Variants in GPR19 observed in about 807,000 individuals in gnomAD.
GPR19 encodes probable G protein-coupled receptor 19.
A neutral mutation model predicts 28.5 loss-of-function variants in GPR19; 14 were observed. That is an observed-to-expected ratio of 0.49 (90% CI 0.32 to 0.77). GPR19 has a LOEUF of 0.77. GPR19 is among the 30% of genes least tolerant of loss of function. GPR19 has a pLI of 0.03. For missense variants in GPR19, 409 were observed against 504.1 expected (o/e 0.81, Z 1.81); for synonymous variants, 173 against 184.1 (o/e 0.94, Z 0.49).
rs746159230 is a variant in GPR19 at position 12,662,382 on chromosome 12, G to A, written c.67C>T (p.Leu23Phe). 6.2e-7 allele frequency: 1 copy of A among 1,614,168 alleles called. No homozygotes were observed. ...HLIIPTLLVP[L>F]QNRSCTETAT... ...GTTTCAGTGCAGCTGCGGTTTTGGA[G>A]GGGCACCAGAAGTGTAGGAATAATC... The change falls in exon 4 of 4, where the codon CTC (leucine) becomes TTC (phenylalanine). Residue 23 changes from leucine to phenylalanine, a missense_variant. By Grantham distance (22) the Leu-to-Phe change is conservative. Coordinates refer to ENST00000651487, the MANE Select transcript of GPR19 (RefSeq NM_006143.3).
chr12:12,716,229 G>A, the GPR19 span, among the ~76,000 whole-genome samples: 2 of 152,214 alleles, frequency 1.3e-5, no homozygotes, highest in Non-Finnish European at 2.9e-5. Flanking sequence ...GGACATGGTT[G>A]TGGTGTTTTA....
chr12:12,664,233 G>A (rs1945725192), intron 3 of GPR19, among the ~76,000 whole-genome samples: 1 of 152,012 alleles, frequency 6.6e-6, no homozygotes, highest in African/African-American at 2.4e-5. Flanking sequence ...CAAGTGATTC[G>A]CCCGCCTTGG....
intron 3 of GPR19, among the ~76,000 whole-genome samples, chr12:12,663,362 GA>G (rs1419079727): frequency 6.6e-6 from 1 of 151,658 alleles, no homozygotes; most frequent in Admixed American, 6.6e-5. Context: ...TCAGAAGGCT[GA>G]AGCAGGAGGA....
chr12:12,682,344 C>A (rs1227997322), intron 3 of GPR19, among the ~76,000 whole-genome samples: 1 of 152,148 alleles, frequency 6.6e-6, no homozygotes, highest in Non-Finnish European at 1.5e-5. Flanking sequence ...TTGACTGTTG[C>A]CAAGTTCTTA....
upstream of GPR19, among the ~76,000 whole-genome samples, chr12:12,699,697 G>C (rs773946207): frequency 5.3e-5 from 8 of 152,222 alleles, no homozygotes; most frequent in Non-Finnish European, 8.8e-5. Flanking sequence ...AATTTGGTTT[G>C]TGACTGGTCA....
chr12:12,708,686 A>G, the GPR19 span, among the ~76,000 whole-genome samples: 1 of 152,196 alleles, frequency 6.6e-6, no homozygotes, highest in Non-Finnish European at 1.5e-5. Flanking sequence ...AAGAGTGGAT[A>G]ATAGCATTTG....
the GPR19 span, chr12:12,703,546 G>A: frequency 6.7e-3 from 2,128 of 315,470 alleles, 33 homozygotes; most frequent in African/African-American, 0.046. Context: ...TAGTGATTCT[G>A]CTGGTCCCTA....
chr12:12,705,146 C>T, the GPR19 span, among the ~76,000 whole-genome samples: 18 of 126,520 alleles, frequency 1.4e-4, no homozygotes, highest in Non-Finnish European at 2.7e-4. Flanking sequence ...CGGAGTCTTG[C>T]TCTCTAACCC....
In GPR19 at chr12:12,662,349, G is replaced by A. The variant is rs1945691071; in HGVS notation, c.100C>T (p.Pro34Ser). ...TCCATCAGGTATTGGCTTGGCAGAG[G>A]TGTGGCTGTTTCAGTGCAGCTGCGG... ...QNRSCTETATPLPSQYLMELS... is the reference protein window; with the variant it reads ...QNRSCTETATSLPSQYLMELS... The change falls in exon 4 of 4, where the codon CCT becomes TCT. Residue 34 changes from proline to serine, a missense_variant. By Grantham distance (74) the Pro-to-Ser change is moderately conservative. Transcript: ENST00000651487. The A allele has an allele frequency of 6.2e-7, 1 of 1,614,218 alleles. No homozygotes were observed. The highest frequency in any genetic ancestry group is 8.5e-7 in the Non-Finnish European group (1 of 1,180,032).
intron 3 of GPR19, among the ~76,000 whole-genome samples, chr12:12,675,290 T>C (rs1289954560): frequency 6.6e-6 from 1 of 152,126 alleles, no homozygotes; most frequent in African/African-American, 2.4e-5. Flanking sequence ...ATAGATTTTG[T>C]TCTGTGTAAG....
chr12:12,675,059 A>G (rs1162971502), intron 3 of GPR19, among the ~76,000 whole-genome samples: 1 of 152,144 alleles, frequency 6.6e-6, no homozygotes, highest in East Asian at 1.9e-4. Flanking sequence ...ACAGATGACA[A>G]GAGAGTCTAG....
chr12:12,663,511 T>C (rs1945713350), intron 3 of GPR19, among the ~76,000 whole-genome samples: 1 of 152,144 alleles, frequency 6.6e-6, no homozygotes, highest in South Asian at 2.1e-4. Context: ...AAAAGAATAT[T>C]TTAAAGTTTA....
At chr12:12,684,532 G>C (rs896050997) in intron 2 of GPR19, 25 bp from the exon 3 acceptor site, 1 of 152,278 alleles carries the variant, frequency 6.6e-6, no homozygotes, top group Admixed American at 6.5e-5. Flanking sequence ...AGATGACGCT[G>C]TGCAGGGTAG....
At chr12:12,670,784 G>A (rs1197041453) in intron 3 of GPR19, among the ~76,000 whole-genome samples, 1 of 152,122 alleles carries the variant, frequency 6.6e-6, no homozygotes, top group Non-Finnish European at 1.5e-5. Context: ...GCTTTGTCAA[G>A]GGTAAATGGC....
chr12:12,705,358 A>G, the GPR19 span, among the ~76,000 whole-genome samples: 1 of 152,150 alleles, frequency 6.6e-6, no homozygotes, highest in Admixed American at 6.5e-5. Context: ...AAAGCCATAC[A>G]CTGTTTATCT....
intron 3 of GPR19, among the ~76,000 whole-genome samples, chr12:12,682,466 C>T (rs1002088781): frequency 1.3e-5 from 2 of 152,170 alleles, no homozygotes; most frequent in Admixed American, 1.3e-4. Context: ...TCTTCTCAGT[C>T]TTCATTCACA....
At chr12:12,682,710 C>G (rs1293388830) in intron 3 of GPR19, among the ~76,000 whole-genome samples, 2 of 152,156 alleles carry the variant, frequency 1.3e-5, no homozygotes, top group African/African-American at 4.8e-5. Flanking sequence ...CAATGAAACC[C>G]TGAAGGGAAC....
intron 3 of GPR19, among the ~76,000 whole-genome samples, chr12:12,663,524 CT>C (rs1945713481): frequency 6.6e-6 from 1 of 151,902 alleles, no homozygotes; most frequent in Non-Finnish European, 1.5e-5. Context: ...AAAGTTTAGC[CT>C]TTATTTTGTA....
At chr12:12,663,599 T>C (rs1229915137) in intron 3 of GPR19, among the ~76,000 whole-genome samples, 1 of 152,180 alleles carries the variant, frequency 6.6e-6, no homozygotes, top group Non-Finnish European at 1.5e-5. Flanking sequence ...GATTAAATAG[T>C]TGTGGGTCAT....
Sources: allele counts gnomAD v4.1 joint callset (sites outside exome capture counted in the v4.1 genomes callset), GRCh38; gene constraint gnomAD v4.1.1; transcripts MANE v1.5; gene names NCBI Gene and HGNC (gene_info 2026-07-23, HGNC 2026-07-21).